CFAP44: variants seen among roughly 807,000 people sequenced by gnomAD.
CFAP44 encodes the protein cilia- and flagella-associated protein 44.
A neutral mutation model predicts 216.2 loss-of-function variants in CFAP44; 134 were observed. The observed-to-expected ratio is 0.62, with a 90% CI of 0.54 to 0.72. CFAP44 has a LOEUF of 0.72. Ranked by LOEUF, CFAP44 falls within the 30% of genes least tolerant of loss-of-function variation. The pLI is 0.00. For missense variants in CFAP44, 2,035 were observed against 2,182.1 expected (o/e 0.93, Z 1.34); for synonymous variants, 700 against 727.6 (o/e 0.96, Z 0.61).
Position 113,330,398 on chromosome 3 carries a change from G to A in CFAP44, c.3886C>T (p.Gln1296Ter). 1 of 1,537,384 alleles carries A rather than the reference G, an allele frequency of 6.5e-7. No homozygotes were observed. The highest frequency in any genetic ancestry group is 1.4e-5 in the African/African-American group (1 of 73,162). ...CCAACTGGGCCTCCAGACCCTGTCT[G>A]TTCCACTCCGGGGGACTTTTCATCT... ...SKDEKSPGVE[Q>*]TGSGGPVGGF... Residue 1296 changes from glutamine to a stop codon, truncating the protein, a stop_gained, in exon 26 of 35, where the codon CAG becomes TAG. Coordinates refer to ENST00000393845, the MANE Select transcript of CFAP44 (RefSeq NM_001164496.2). LOFTEE classifies it high-confidence loss of function.
At chr3:113,314,500 C>A (rs1950069538) in intron 28 of CFAP44, among the ~76,000 whole-genome samples, 1 of 152,172 alleles carries the variant, frequency 6.6e-6, no homozygotes, top group Admixed American at 6.5e-5. Context: ...ACATTTGTCA[C>A]CAGCATGCCT....
intron 22 of CFAP44, among the ~76,000 whole-genome samples, chr3:113,346,588 A>C (rs1427723459): frequency 1.3e-5 from 2 of 151,902 alleles, no homozygotes; most frequent in African/African-American, 4.8e-5. Context: ...GGGTCTAGCT[A>C]CAGGATTGTA....
Position 113,432,563 on chromosome 3 carries a change from G to C in CFAP44, c.100+1002C>G, listed in dbSNP as rs80172681. On this transcript the variant is annotated intron_variant, in intron 2 of 34. Transcript: ENST00000393845. ...TATATCTAAACAATATGGATATACT[G>C]CTCTCTCTAGCTACTTTTAGACAGT... is the stretch of plus-strand genomic sequence containing the variant. 4.0e-3 allele frequency among the ~76,000 whole-genome samples: 604 copies of C among 152,016 alleles called. 15 individuals carry two copies. The highest frequency in any genetic ancestry group is 3.7e-3 in the East Asian group (19 of 5,172).
chr3:113,428,327 G>A (rs1182490378), intron 2 of CFAP44, among the ~76,000 whole-genome samples: 1 of 152,206 alleles, frequency 6.6e-6, no homozygotes, highest in Non-Finnish European at 1.5e-5. Context: ...TTAATGAATT[G>A]CGAGTGAATA....
chr3:113,347,648 T>A (rs1418982899), intron 22 of CFAP44, among the ~76,000 whole-genome samples: 2 of 152,152 alleles, frequency 1.3e-5, no homozygotes, highest in South Asian at 2.1e-4. Context: ...CCTTTTAGGA[T>A]CCTTCCTCAG....
At chr3:113,328,853 G>GTCT (rs1485132048) in intron 26 of CFAP44, among the ~76,000 whole-genome samples, 1 of 151,958 alleles carries the variant, frequency 6.6e-6, no homozygotes, top group Non-Finnish European at 1.5e-5. Flanking sequence ...GACCACATAG[G>GTCT]TCTCCAAGTC....
In CFAP44 at chr3:113,395,812, G is replaced by T. The variant is rs779532800; in HGVS notation, c.1828C>A (p.Pro610Thr). 6.2e-7 allele frequency: 1 copy of T among 1,613,660 alleles called. No individual in the cohort carries two copies. The highest frequency in any genetic ancestry group is 8.5e-7 in the Non-Finnish European group (1 of 1,179,816). The change falls in exon 15 of 35, where the codon CCG becomes ACG. Residue 610 changes from proline to threonine, a missense_variant. Pro to Thr is a conservative substitution (Grantham distance 38, BLOSUM62 -1). Coordinates refer to ENST00000393845, the MANE Select transcript of CFAP44 (RefSeq NM_001164496.2). ...FFFEVERDYK[P>T]IGYINTPGPV... is the part of the protein sequence containing the mutation. ...CCAGGAGTATTAATATAACCAATCG[G>T]CTTATAATCCCTTTCCACTTCAAAG...
intron 18 of CFAP44, among the ~76,000 whole-genome samples, chr3:113,369,786 G>A (rs1262393822): frequency 2.0e-5 from 3 of 152,132 alleles, no homozygotes; most frequent in Non-Finnish European, 1.5e-5. Flanking sequence ...AATGAATCCA[G>A]GAGCTGGTTT....
intron 23 of CFAP44, among the ~76,000 whole-genome samples, chr3:113,343,394 A>G (rs2107821183): frequency 6.6e-6 from 1 of 152,288 alleles, no homozygotes; most frequent in South Asian, 2.1e-4. Flanking sequence ...GAATTACTCT[A>G]TTCGTGTTCA....
intron 33 of CFAP44, 126 bp downstream of exon 33, chr3:113,296,599 C>T (rs768383943): frequency 1.5e-4 from 162 of 1,070,406 alleles, no homozygotes; most frequent in Non-Finnish European, 2.1e-4. Flanking sequence ...GATCCTGGGG[C>T]AGCCAAAGGG....
chr3:113,302,406 T>A (rs1302635562), intron 32 of CFAP44, among the ~76,000 whole-genome samples: 4 of 142,494 alleles, frequency 2.8e-5, no homozygotes, highest in Admixed American at 7.1e-5. Flanking sequence ...ATTAAAAAAA[T>A]TACTATATTA....
At chr3:113,350,514 A>G (rs537947216) in intron 22 of CFAP44, among the ~76,000 whole-genome samples, 2 of 152,340 alleles carry the variant, frequency 1.3e-5, no homozygotes, top group African/African-American at 4.8e-5. Context: ...AAGCCAGGGT[A>G]AATTTAAAAC....
Position 113,426,222 on chromosome 3 carries a change from C to A in CFAP44, c.309G>T (p.Lys103Asn). 6.2e-7 allele frequency: 1 copy of A among 1,614,162 alleles called. No homozygotes were observed. Among genetic ancestry groups the A allele is most frequent in the Non-Finnish European group, 8.5e-7 (1 of 1,179,980 alleles). ...AVEEAEEEVK[K>N]KISESFFYDY... ...CATAGAAGAAGCTCTCTGATATTTT[C>A]TTCTTAACTTCCTCCTCTGCTTCTT... The change falls in exon 4 of 35, where the codon AAG becomes AAT. Residue 103 changes from lysine (K) to asparagine (N), a missense_variant. By Grantham distance (94) the Lys-to-Asn change is moderately conservative (BLOSUM62 0). This residue lies in a region of CFAP44 where 149 missense variants were observed against 141.8 expected (regional missense o/e 1.05). Transcript: ENST00000393845.
chr3:113,398,552 A>C (rs1000860819), intron 13 of CFAP44, among the ~76,000 whole-genome samples: 4 of 152,322 alleles, frequency 2.6e-5, no homozygotes, highest in African/African-American at 9.6e-5. Context: ...TGTAGTTTTA[A>C]GACTTCAGTT....
intron 24 of CFAP44, among the ~76,000 whole-genome samples, chr3:113,338,363 A>G (rs563357019): frequency 6.6e-6 from 1 of 152,056 alleles, no homozygotes; most frequent in South Asian, 2.1e-4. Context: ...TCCAACTAGC[A>G]TATAGTATAT....
rs574753062 is a variant in CFAP44 at position 113,296,746 on chromosome 3, C to T, written c.5217G>A (p.Ala1739=). The change falls in exon 33 of 35, where the codon GCG becomes GCA. Residue 1739 remains alanine (A), a synonymous_variant. Transcript: ENST00000393845. ...IRKLRKELAN[A]KEMKMWEEKI... is the part of the protein sequence containing the mutation. Reference sequence around the variant, plus strand: ...TTACCTCCCACATCTTCATCTCTTTCGCATTTGCTAGCTCCTTTCGAAGTT... The same window carrying T: ...TTACCTCCCACATCTTCATCTCTTTTGCATTTGCTAGCTCCTTTCGAAGTT... 1.9e-5 allele frequency: 29 copies of T among 1,537,722 alleles called. No individual in the cohort carries two copies. The African/African-American group carries it at 1.9e-4, about 10-fold the overall frequency.
chr3:113,441,387 G>A, intron 1 of CFAP44, 66 bp downstream of exon 1: 5 of 985,718 alleles, frequency 5.1e-6, no homozygotes, highest in Non-Finnish European at 6.0e-6. Context: ...GGGGTTCACT[G>A]CCCTCTGAGC....
rs759664024 is a variant in CFAP44, at chr3:113,296,684, A to G, written c.5238+41T>C. ...CTGCTCCCTGGGATTTCTTGCCTCC[A>G]GCCAGATTCAACCAAAGATCAACCC... On this transcript the variant is annotated intron_variant, in intron 33 of 34. Coordinates refer to ENST00000393845, the MANE Select transcript of CFAP44 (RefSeq NM_001164496.2). 3.9e-6 allele frequency: 6 copies of G among 1,527,766 alleles called. No homozygotes were observed. In the South Asian group the frequency reaches 7.2e-5, roughly 18 times the overall value. The allele number at this position is 1,527,766 out of a possible 1,614,324, so 94.6% of individuals were successfully genotyped here.
chr3:113,430,824 G>A (rs999524526), intron 2 of CFAP44, among the ~76,000 whole-genome samples: 3 of 152,064 alleles, frequency 2.0e-5, no homozygotes, highest in African/African-American at 7.2e-5. Context: ...AAATAGAAAA[G>A]AACAAAATAC....
Sources: allele counts gnomAD v4.1 joint callset (sites outside exome capture counted in the v4.1 genomes callset), GRCh38; gene constraint gnomAD v4.1.1; regional missense constraint gnomAD v4.1.1; transcripts MANE v1.5; gene names NCBI Gene and HGNC (gene_info 2026-07-23, HGNC 2026-07-21).